The following ONECUT3 variants were observed in gnomAD, a reference collection of about 807,000 sequenced individuals.
ONECUT3 encodes one cut domain family member 3.
ONECUT3 carries 11 observed loss-of-function variants against 16.8 expected under a neutral mutation model. That is an observed-to-expected ratio of 0.66 (90% confidence interval 0.41 to 1.09). The LOEUF (loss-of-function observed/expected upper bound fraction) is 1.09, where lower values mean the gene tolerates loss of function less well. Ranked by LOEUF, ONECUT3 falls within the 50% of genes least tolerant of loss-of-function variation. The pLI is 0.00. For missense variants in ONECUT3, 637 were observed against 629.9 expected, an observed-to-expected ratio of 1.01 and a Z score of -0.12; for synonymous variants, 344 against 310.7, an observed-to-expected ratio of 1.11 and a Z score of -1.13.
rs2067931059 is a variant in ONECUT3, at chr19:1,758,746, T to C, written c.1192+3892T>C. ...TCTCCCCTGGCGCCGTCTCCAACAG[T>C]AATTATGGGAGAGGGGCTGGGGGAG... On this transcript the variant is annotated intron_variant, in intron 1 of 1. Coordinates refer to ENST00000382349, the MANE Select transcript of ONECUT3 (RefSeq NM_001080488.2). The surrounding 1 kb of genome is among the most constrained non-coding windows in gnomAD (Gnocchi z 5.9). 6.8e-6 allele frequency among the ~76,000 whole-genome samples: 1 copy of C among 146,928 alleles called. No homozygotes were observed. The highest frequency in any genetic ancestry group is 1.5e-5 in the Non-Finnish European group (1 of 66,348).
intron 1 of ONECUT3, among the ~76,000 whole-genome samples, chr19:1,761,352 C>T (rs2067945362): frequency 2.0e-5 from 3 of 152,190 alleles, no homozygotes; most frequent in Non-Finnish European, 2.9e-5. Context: ...CGTGCCCAGC[C>T]TTCTCCTCCT....
At chr19:1,757,106 G>A (rs1035932939) in intron 1 of ONECUT3, among the ~76,000 whole-genome samples, 1 of 148,620 alleles carries the variant, frequency 6.7e-6, no homozygotes. Context: ...CGTCACAGAA[G>A]GGCAAACCGC....
At chr19:1,773,137 T>C (rs1158742486) in intron 1 of ONECUT3, among the ~76,000 whole-genome samples, 1 of 152,174 alleles carries the variant, frequency 6.6e-6, no homozygotes, top group African/African-American at 2.4e-5. Context: ...ACTTGTTTCA[T>C]GGATACGATA....
At chr19:1,773,198 C>T (rs1043286450) in intron 1 of ONECUT3, among the ~76,000 whole-genome samples, 1 of 151,940 alleles carries the variant, frequency 6.6e-6, no homozygotes, top group Non-Finnish European at 1.5e-5. Flanking sequence ...CCTGCCTTGT[C>T]GGTTCCTTCT....
Position 1,762,819 on chromosome 19 carries a change from G to T in ONECUT3, c.1192+7965G>T, listed in dbSNP as rs1447307539. 7.0e-6 allele frequency among the ~76,000 whole-genome samples: 1 copy of T among 142,446 alleles called. No individual in the cohort carries two copies. The highest frequency in any genetic ancestry group is 2.6e-5 in the African/African-American group (1 of 38,832). 93.5% of individuals were successfully genotyped at this position (142,446 alleles called of 152,430 possible). ...CTTCCTTGTCTGGCGCCCCAGAACC[G>T]CGGCCGTCCTGGGTGCGCTCAGCTC... On this transcript the variant is annotated intron_variant, in intron 1 of 1. Transcript: ENST00000382349. The surrounding 1 kb of genome is among the most constrained non-coding windows in gnomAD (Gnocchi z 4.4).
Position 1,775,404 on chromosome 19 carries a change from G to T in ONECUT3, c.1444G>T (p.Gly482Trp). ...GGCTGAGGAGCCCAGCACGGCCCCC[G>T]GGGGCCCCGCCGGCGCCACGGCCAC... ...RWAEEPSTAP[G>W]GPAGATATFS... Residue 482 changes from glycine (G) to tryptophan (W), a missense_variant, in exon 2 of 2, where the codon GGG becomes TGG. Physicochemically the swap from Gly to Trp is radical, Grantham distance 184 (BLOSUM62 -2). Transcript: ENST00000382349. 1.3e-6 allele frequency: 2 copies of T among 1,530,482 alleles called. No individual in the cohort carries two copies. The highest frequency in any genetic ancestry group is 1.8e-6 in the Non-Finnish European group (2 of 1,140,664). 94.8% of individuals were successfully genotyped at this position (1,530,482 alleles called of 1,614,324 possible).
In ONECUT3 at chr19:1,766,227, G is replaced by A. The variant is rs1393313716; in HGVS notation, c.1193-8926G>A. ...TCGCTCAGACTTCGCCCTCCACCCC[G>A]CCGGGACATTTGGGAAGCCTCAGGC... is the stretch of plus-strand genomic sequence containing the variant. On this transcript the variant is annotated intron_variant, in intron 1 of 1. Coordinates refer to ENST00000382349, the MANE Select transcript of ONECUT3 (RefSeq NM_001080488.2). This position sits in a 1 kb window ranked among gnomAD's most constrained non-coding sequence, Gnocchi z 4.0. 6.9e-6 allele frequency among the ~76,000 whole-genome samples: 1 copy of A among 144,198 alleles called. No individual in the cohort carries two copies. The highest frequency in any genetic ancestry group is 1.5e-5 in the Non-Finnish European group (1 of 65,886). 94.6% of individuals were successfully genotyped at this position (144,198 alleles called of 152,430 possible).
At position 1,778,895 on chromosome 19, in the gene ONECUT3, CACACACACACACACACA is replaced by C. The variant is rs2068133442; in HGVS notation, c.*3451_*3467del. 7.0e-6 allele frequency: 1 copy of C among 141,900 alleles called. No homozygotes were observed. Among genetic ancestry groups the C allele is most frequent in the African/African-American group, 2.6e-5 (1 of 38,034 alleles). 8.8% of individuals were successfully genotyped at this position (141,900 alleles called of 1,614,324 possible). A position where few individuals can be genotyped will look rare whatever the true frequency, so the allele number is the denominator to read the frequency against. On this transcript the variant is annotated 3_prime_UTR_variant, in exon 2 of 2. Coordinates refer to ENST00000382349, the MANE Select transcript of ONECUT3 (RefSeq NM_001080488.2). ...ACACACACACACACACACACACACA[CACACACACACACACACA>C]CCCCTACCTGTTTCCGGACCCCACC...
chr19:1,769,020 A>AGGTG, intron 1 of ONECUT3, among the ~76,000 whole-genome samples: 2 of 108,294 alleles, frequency 1.8e-5, no homozygotes, highest in African/African-American at 7.1e-5. Context: ...GTGGAGGTGG[A>AGGTG]AGTGGAGGTG....
Position 1,766,229 on chromosome 19 carries a change from C to T in ONECUT3, c.1193-8924C>T, listed in dbSNP as rs766656815. The stretch of plus-strand genomic sequence containing the variant: ...GCTCAGACTTCGCCCTCCACCCCGC[C>T]GGGACATTTGGGAAGCCTCAGGCAG... On this transcript the variant is annotated intron_variant, in intron 1 of 1. Coordinates refer to ENST00000382349, the MANE Select transcript of ONECUT3 (RefSeq NM_001080488.2). This position sits in a 1 kb window ranked among gnomAD's most constrained non-coding sequence, Gnocchi z 4.0. 2.6e-5 allele frequency among the ~76,000 whole-genome samples: 4 copies of T among 152,226 alleles called. No individual in the cohort carries two copies. Among genetic ancestry groups the T allele is most frequent in the Non-Finnish European group, 5.9e-5 (4 of 68,046 alleles).
chr19:1,760,456 A>G (rs896605334), intron 1 of ONECUT3, among the ~76,000 whole-genome samples: 1 of 151,784 alleles, frequency 6.6e-6, no homozygotes, highest in African/African-American at 2.4e-5. Context: ...CCACGTTCTC[A>G]GCCACTTGGC....
At chr19:1,773,244 A>C in intron 1 of ONECUT3, among the ~76,000 whole-genome samples, 2 of 136,878 alleles carry the variant, frequency 1.5e-5, no homozygotes, top group Non-Finnish European at 3.1e-5. Context: ...ATTTTTCTCC[A>C]TTGTTCTCCC....
chr19:1,754,727 G>C lies in ONECUT3; in HGVS notation c.1065G>C (p.Thr355=). ...AQRILCRSQG[T]LSDLLRNPKP... ...GGATCCTGTGTCGCTCTCAGGGCACGCTCTCCGACCTGCTGCGCAACCCCA... is the reference window on the plus strand; with the variant it reads ...GGATCCTGTGTCGCTCTCAGGGCACCCTCTCCGACCTGCTGCGCAACCCCA... Residue 355 remains threonine, a synonymous_variant, in exon 1 of 2, where the codon ACG becomes ACC. Transcript: ENST00000382349. The surrounding 1 kb of genome is among the most constrained non-coding windows in gnomAD (Gnocchi z 7.4). The C allele has an allele frequency of 1.9e-6, 3 of 1,551,494 alleles. No homozygotes were observed. The highest frequency in any genetic ancestry group is 3.4e-4 in the Middle Eastern group (2 of 5,964).
rs1209009574 is a variant in ONECUT3 at position 1,778,007 on chromosome 19, A to AAC, written c.*2563_*2564insCA. On this transcript the variant is annotated 3_prime_UTR_variant, in exon 2 of 2. Coordinates refer to ENST00000382349, the MANE Select transcript of ONECUT3 (RefSeq NM_001080488.2). ...CAAAACTCCCTCTCAAAAAAAAAAAAAAAAAAAAAAACTTTAGGTCCAAGA... is the reference window on the plus strand; with the variant it reads ...CAAAACTCCCTCTCAAAAAAAAAAAAACAAAAAAAAAAACTTTAGGTCCAAGA... 6.6e-6 allele frequency: 1 copy of AAC among 151,652 alleles called. No individual in the cohort carries two copies. The highest frequency in any genetic ancestry group is 1.5e-5 in the Non-Finnish European group (1 of 67,934). The allele number at this position is 151,652 out of a possible 1,614,324, so 9.4% of individuals were successfully genotyped here.
chr19:1,755,550 G>A lies in ONECUT3; in HGVS notation c.1192+696G>A, dbSNP rs1874012487. On this transcript the variant is annotated intron_variant, in intron 1 of 1. Transcript: ENST00000382349. This position sits in a 1 kb window ranked among gnomAD's most constrained non-coding sequence, Gnocchi z 7.5. The stretch of plus-strand genomic sequence containing the variant: ...CGCCGCCCGGAGGCCTTCACACCCC[G>A]ACCCGGCGCCCGCCCCGCGCAGTTT... Among the ~76,000 whole-genome samples the A allele has an allele frequency of 6.6e-6, 1 of 151,736 alleles. No homozygotes were observed. Among genetic ancestry groups the A allele is most frequent in the African/African-American group, 2.4e-5 (1 of 41,292 alleles).
intron 1 of ONECUT3, among the ~76,000 whole-genome samples, chr19:1,767,543 C>A (rs1379824408): frequency 6.6e-6 from 1 of 152,186 alleles, no homozygotes; most frequent in South Asian, 2.1e-4. Flanking sequence ...GGTCTCCCCC[C>A]AGTCCAGCCC....
At chr19:1,760,283 C>T (rs971083167) in intron 1 of ONECUT3, among the ~76,000 whole-genome samples, 1 of 152,232 alleles carries the variant, frequency 6.6e-6, no homozygotes, top group Non-Finnish European at 1.5e-5. Context: ...CCCGCTGAGT[C>T]TGGTGGGCCT....
Position 1,754,118 on chromosome 19 carries a change from C to T in ONECUT3, c.456C>T (p.Pro152=). The T allele has an allele frequency of 9.7e-7, 1 of 1,026,786 alleles. No homozygotes were observed. Among genetic ancestry groups the T allele is most frequent in the Non-Finnish European group, 1.2e-6 (1 of 859,458 alleles). The allele number at this position is 1,026,786 out of a possible 1,614,324, so 63.6% of individuals were successfully genotyped here. A position where few individuals can be genotyped will look rare whatever the true frequency, so the allele number is the denominator to read the frequency against. The part of the protein sequence containing the change: ...HAHPHPAAAP[P]PPPPPQRLAA... ...ACCCGCACCCGGCGGCCGCGCCGCCCCCGCCACCCCCGCCGCAGCGTCTGG... is the reference window on the plus strand; with the variant it reads ...ACCCGCACCCGGCGGCCGCGCCGCCTCCGCCACCCCCGCCGCAGCGTCTGG... Residue 152 remains proline, a synonymous_variant, in exon 1 of 2, where the codon CCC becomes CCT. Coordinates refer to ENST00000382349, the MANE Select transcript of ONECUT3 (RefSeq NM_001080488.2). This position sits in a 1 kb window ranked among gnomAD's most constrained non-coding sequence, Gnocchi z 7.4.
intron 1 of ONECUT3, among the ~76,000 whole-genome samples, chr19:1,763,560 A>G (rs1036709150): frequency 1.3e-5 from 2 of 151,714 alleles, no homozygotes; most frequent in Non-Finnish European, 2.9e-5. Flanking sequence ...AATGATAAAC[A>G]AATAAATAAA....
Sources: gnomAD v4.1 joint callset for allele counts (sites outside exome capture counted in the v4.1 genomes callset) on GRCh38, gnomAD v4.1.1 for gene constraint, Gnocchi (gnomAD v3.1) non-coding constraint, MANE v1.5 for transcripts, NCBI Gene and HGNC (gene_info 2026-07-23, HGNC 2026-07-21) for gene names.